The following SHISA9 variants were observed in gnomAD, a reference collection of about 807,000 sequenced individuals.
SHISA9 encodes the protein protein shisa-9.
A neutral mutation model predicts 38.0 loss-of-function variants in SHISA9; 13 were observed. The ratio of observed to expected loss-of-function variants is 0.34; its 90% CI spans 0.22 to 0.54. The LOEUF is 0.54. SHISA9 is among the 20% of genes least tolerant of loss of function. The pLI, the probability that SHISA9 is intolerant of heterozygous loss-of-function variation, is 0.91. For synonymous variants in SHISA9, 275 were observed against 242.0 expected, an observed-to-expected ratio of 1.14 and a Z score of -1.27; for missense variants, 538 against 575.8, an observed-to-expected ratio of 0.93 and a Z score of 0.67.
chr16:12,937,558 T>A (rs1335590528), intron 2 of SHISA9, among the ~76,000 whole-genome samples: 2 of 152,146 alleles, frequency 1.3e-5, no homozygotes, highest in Admixed American at 6.6e-5. Context: ...TTCTGGAGGG[T>A]AGACATACCA....
intron 2 of SHISA9, among the ~76,000 whole-genome samples, chr16:12,936,459 G>A (rs1391746115): frequency 2.0e-5 from 3 of 152,186 alleles, no homozygotes; most frequent in Non-Finnish European, 4.4e-5. Context: ...TCAGGGATGG[G>A]AGAAGGGATG....
At chr16:13,243,187 C>T (rs1296999971), downstream of SHISA9, among the ~76,000 whole-genome samples, 1 of 151,876 alleles carries the variant, frequency 6.6e-6, no homozygotes, top group East Asian at 1.9e-4. Context: ...TTGCAGTGAG[C>T]CGAGATCGCG....
At chr16:13,391,361 TA>T in the SHISA9 span, among the ~76,000 whole-genome samples, 1 of 152,196 alleles carries the variant, frequency 6.6e-6, no homozygotes, top group African/African-American at 2.4e-5. Context: ...TGTAGCTCTG[TA>T]CAGCAGAGAT....
intron 4 of SHISA9, among the ~76,000 whole-genome samples, chr16:13,228,161 A>T (rs1284279855): frequency 6.6e-6 from 1 of 152,162 alleles, no homozygotes; most frequent in Non-Finnish European, 1.5e-5. Flanking sequence ...ATAAACTCAG[A>T]TCTGTCTCAT....
At chr16:12,970,421 A>C (rs1388178432) in intron 2 of SHISA9, among the ~76,000 whole-genome samples, 1 of 62,860 alleles carries the variant, frequency 1.6e-5, no homozygotes, top group African/African-American at 7.1e-5. Flanking sequence ...ATATATACAC[A>C]TATATGTATA....
At chr16:13,397,132 G>A in the SHISA9 span, among the ~76,000 whole-genome samples, 1 of 152,148 alleles carries the variant, frequency 6.6e-6, no homozygotes, top group Admixed American at 6.5e-5. Flanking sequence ...TAAATTAACT[G>A]TAAGAATACA....
At chr16:13,432,013 A>G in the SHISA9 span, among the ~76,000 whole-genome samples, 75 of 152,236 alleles carry the variant, frequency 4.9e-4, no homozygotes, top group Non-Finnish European at 8.1e-4. Context: ...GTGAGCTGAG[A>G]TCATGCCGTT....
At chr16:12,950,218 G>C (rs2071736946) in intron 2 of SHISA9, among the ~76,000 whole-genome samples, 1 of 152,138 alleles carries the variant, frequency 6.6e-6, no homozygotes. Context: ...TTTAATGGCT[G>C]AGTAATATTC....
chr16:13,125,971 C>G (rs965895199), intron 2 of SHISA9, among the ~76,000 whole-genome samples: 3 of 152,294 alleles, frequency 2.0e-5, no homozygotes, highest in Admixed American at 6.5e-5. Context: ...AACCTGTTTT[C>G]TTTTTCTCTT....
intron 2 of SHISA9, among the ~76,000 whole-genome samples, chr16:13,108,701 A>G (rs1360791258): frequency 6.6e-6 from 1 of 152,256 alleles, no homozygotes; most frequent in East Asian, 1.9e-4. Flanking sequence ...GAAGCAGATT[A>G]GGATGGAGCA....
chr16:13,194,013 C>A (rs945194812), intron 2 of SHISA9, among the ~76,000 whole-genome samples: 1 of 152,190 alleles, frequency 6.6e-6, no homozygotes, highest in Non-Finnish European at 1.5e-5. Context: ...CATTCCTCCC[C>A]TACCCTGCAT....
chr16:13,069,616 C>G (rs1286057202), intron 2 of SHISA9, among the ~76,000 whole-genome samples: 1 of 152,070 alleles, frequency 6.6e-6, no homozygotes, highest in East Asian at 1.9e-4. Context: ...TGTGTACATG[C>G]AATGTGTGTG....
intron 2 of SHISA9, among the ~76,000 whole-genome samples, chr16:13,099,303 T>G (rs767362817): frequency 2.7e-5 from 4 of 149,638 alleles, no homozygotes; most frequent in Admixed American, 2.0e-4. Context: ...CACACACACA[T>G]CTCTGATGGG....
At chr16:13,019,123 C>G (rs1359986804) in intron 2 of SHISA9, among the ~76,000 whole-genome samples, 1 of 152,176 alleles carries the variant, frequency 6.6e-6, no homozygotes, top group Non-Finnish European at 1.5e-5. Flanking sequence ...CCTTACCCTC[C>G]CGAGTAGCTG....
At chr16:13,043,799 G>A (rs566060279) in intron 2 of SHISA9, among the ~76,000 whole-genome samples, 1 of 152,220 alleles carries the variant, frequency 6.6e-6, no homozygotes, top group South Asian at 2.1e-4. Context: ...ATCCTTCAGA[G>A]CTCAGCCTGA....
At chr16:13,305,510 T>C in the SHISA9 span, among the ~76,000 whole-genome samples, 1 of 152,204 alleles carries the variant, frequency 6.6e-6, no homozygotes, top group African/African-American at 2.4e-5. Flanking sequence ...TGTCTTCCCC[T>C]GTCTCTCTCA....
At chr16:13,090,409 G>C (rs1567208871) in intron 2 of SHISA9, among the ~76,000 whole-genome samples, 1 of 152,150 alleles carries the variant, frequency 6.6e-6, no homozygotes, top group East Asian at 1.9e-4. Flanking sequence ...GGGTGTTAAA[G>C]TCTCCCATTA....
At chr16:13,548,262 A>G in the SHISA9 span, among the ~76,000 whole-genome samples, 2 of 129,856 alleles carry the variant, frequency 1.5e-5, no homozygotes, top group African/African-American at 5.2e-5. Flanking sequence ...AAAACTACTA[A>G]AAGAAAACAT....
chr16:12,912,209 C>G (rs2071193584), intron 1 of SHISA9, among the ~76,000 whole-genome samples: 1 of 117,996 alleles, frequency 8.5e-6, no homozygotes, highest in South Asian at 3.9e-4. Flanking sequence ...ACTTCAAAGA[C>G]TCTTTGTCCA....
Sources: allele counts gnomAD v4.1 joint callset (sites outside exome capture counted in the v4.1 genomes callset), GRCh38; gene constraint gnomAD v4.1.1; transcripts MANE v1.5; gene names NCBI Gene and HGNC (gene_info 2026-07-23, HGNC 2026-07-21).